CNTN4: variants seen among roughly 807,000 people sequenced by gnomAD.
CNTN4 encodes contactin 4.
In CNTN4, 77 loss-of-function variants were observed where a neutral mutation model predicts 122.5. The ratio of observed to expected loss-of-function variants is 0.63; its 90% CI spans 0.52 to 0.76. The LOEUF (loss-of-function observed/expected upper bound fraction) is 0.76. CNTN4 is among the 30% of genes least tolerant of loss of function. The probability of loss-of-function intolerance (pLI) is 0.00; values close to 1 mark genes in which losing one functional copy is unlikely to be tolerated. For synonymous variants in CNTN4, 512 were observed against 447.0 expected, an observed-to-expected ratio of 1.15 and a Z score of -1.83; for missense variants, 1,256 against 1,259.1, an observed-to-expected ratio of 1.00 and a Z score of 0.04.
intron 3 of CNTN4, among the ~76,000 whole-genome samples, chr3:2,557,529 C>A (rs2078768778): frequency 6.6e-6 from 1 of 152,078 alleles, no homozygotes; most frequent in South Asian, 2.1e-4. Context: ...AGATCGAGAC[C>A]ATCCTGGCTA....
intron 6 of CNTN4, among the ~76,000 whole-genome samples, chr3:2,750,943 G>A (rs1016565702): frequency 1.8e-4 from 28 of 152,154 alleles, no homozygotes; most frequent in African/African-American, 6.5e-4. Flanking sequence ...TGATACAGAA[G>A]ACAGTTGACA....
intron 6 of CNTN4, among the ~76,000 whole-genome samples, chr3:2,812,648 T>G (rs1287143286): frequency 6.6e-6 from 1 of 152,168 alleles, no homozygotes; most frequent in African/African-American, 2.4e-5. Context: ...GTTCTCCCAG[T>G]GAGTCACTTT....
chr3:2,250,996 CTAA>C (rs1386992732), intron 2 of CNTN4, among the ~76,000 whole-genome samples: 7 of 151,756 alleles, frequency 4.6e-5, no homozygotes, highest in African/African-American at 1.5e-4. Context: ...GCTGATAATG[CTAA>C]TATTATATTG....
intron 2 of CNTN4, among the ~76,000 whole-genome samples, chr3:2,311,401 A>G (rs1470672213): frequency 6.6e-6 from 1 of 152,148 alleles, no homozygotes; most frequent in East Asian, 1.9e-4. Flanking sequence ...AAAATATATC[A>G]AACAGAATCA....
In CNTN4 at chr3:2,285,083, C is replaced by T. The variant is rs1354377089; in HGVS notation, c.-144-54095C>T. The stretch of plus-strand genomic sequence containing the variant: ...TACAAATTTTAGAATGAGGACTGCT[C>T]AGTCTGCATAAAAATTATTTTCTTG... On this transcript the variant is annotated intron_variant, in intron 2 of 24. Coordinates refer to ENST00000418658, the MANE Select transcript of CNTN4 (RefSeq NM_175607.3). Among the ~76,000 whole-genome samples, 3 of 152,036 alleles carry T rather than the reference C, an allele frequency of 2.0e-5. No homozygotes were observed. The East Asian group carries it at 5.8e-4, about 29-fold the overall frequency.
intron 3 of CNTN4, among the ~76,000 whole-genome samples, chr3:2,549,729 G>A (rs144077424): frequency 0.021 from 3,189 of 152,218 alleles, 137 homozygotes; most frequent in African/African-American, 0.073. Context: ...GAGTTAGGGA[G>A]GAGTCCTTCT....
chr3:2,436,597 A>T (rs2048266213), intron 3 of CNTN4, among the ~76,000 whole-genome samples: 1 of 152,000 alleles, frequency 6.6e-6, no homozygotes, highest in South Asian at 2.1e-4. Context: ...GGGTGTTAGA[A>T]AGGAATCCTT....
chr3:2,806,087 A>G (rs150320522), intron 6 of CNTN4, among the ~76,000 whole-genome samples: 3 of 151,910 alleles, frequency 2.0e-5, no homozygotes, highest in African/African-American at 7.3e-5. Flanking sequence ...ATTTTCAGAG[A>G]GACGGGGGTC....
At chr3:2,120,382 T>TATATATAAATATATATATATATATAA (rs2033661998) in intron 2 of CNTN4, among the ~76,000 whole-genome samples, 1 of 27,324 alleles carries the variant, frequency 3.7e-5, no homozygotes, top group African/African-American at 1.0e-4. Flanking sequence ...TAAATATATA[T>TATATATAAATATATATATATATATAA]ATATATATAT....
chr3:2,591,770 C>T (rs1259293995), intron 4 of CNTN4, among the ~76,000 whole-genome samples: 3 of 152,178 alleles, frequency 2.0e-5, no homozygotes, highest in African/African-American at 7.2e-5. Flanking sequence ...CAACTTGTCT[C>T]TCATGTAAGG....
At chr3:2,814,348 A>G (rs1576899085) in intron 6 of CNTN4, among the ~76,000 whole-genome samples, 1 of 152,210 alleles carries the variant, frequency 6.6e-6, no homozygotes, top group Non-Finnish European at 1.5e-5. Flanking sequence ...TTGGTGACCA[A>G]TTGCTAAACG....
intron 4 of CNTN4, among the ~76,000 whole-genome samples, chr3:2,590,245 A>G (rs2080403826): frequency 6.6e-6 from 1 of 151,714 alleles, no homozygotes; most frequent in Admixed American, 6.6e-5. Context: ...CTATCATATC[A>G]CCTTTCTTCT....
chr3:2,400,422 T>TAC (rs1553640900), intron 3 of CNTN4, among the ~76,000 whole-genome samples: 1 of 59,354 alleles, frequency 1.7e-5, no homozygotes, highest in Non-Finnish European at 3.7e-5. Context: ...TATATATATA[T>TAC]ATATACATAT....
intron 3 of CNTN4, among the ~76,000 whole-genome samples, chr3:2,344,966 G>A (rs776314722): frequency 5.3e-5 from 8 of 152,296 alleles, no homozygotes; most frequent in African/African-American, 9.6e-5. Flanking sequence ...ATCAGCCCCC[G>A]AGGGACTTTT....
intron 2 of CNTN4, among the ~76,000 whole-genome samples, chr3:2,204,439 G>T (rs1376401752): frequency 1.3e-5 from 2 of 152,120 alleles, no homozygotes; most frequent in African/African-American, 4.8e-5. Flanking sequence ...TCTTTCTGCA[G>T]TTGTAGGAAT....
At chr3:2,801,934 A>G (rs2092357797) in intron 6 of CNTN4, among the ~76,000 whole-genome samples, 1 of 152,198 alleles carries the variant, frequency 6.6e-6, no homozygotes, top group South Asian at 2.1e-4. Context: ...CAAATGAGTT[A>G]TTAGTAAAAA....
At chr3:2,721,229 C>T (rs957978072) in intron 4 of CNTN4, among the ~76,000 whole-genome samples, 10 of 152,260 alleles carry the variant, frequency 6.6e-5, no homozygotes, top group African/African-American at 2.4e-4. Context: ...ACCTCAGCCT[C>T]CCCAAATGCT....
chr3:2,998,010 A>G (rs992422188), intron 14 of CNTN4, among the ~76,000 whole-genome samples: 2 of 152,156 alleles, frequency 1.3e-5, no homozygotes, highest in Non-Finnish European at 2.9e-5. Context: ...TAAAGCTTGG[A>G]TTCTACCTAG....
chr3:2,777,876 T>C (rs2091391726), intron 6 of CNTN4, among the ~76,000 whole-genome samples: 1 of 152,280 alleles, frequency 6.6e-6, no homozygotes, highest in East Asian at 1.9e-4. Context: ...CTTTGTATTA[T>C]AATCCAATAG....
Sources: gnomAD v4.1 joint callset for allele counts (sites outside exome capture counted in the v4.1 genomes callset) on GRCh38, gnomAD v4.1.1 for gene constraint, MANE v1.5 for transcripts, NCBI Gene and HGNC (gene_info 2026-07-23, HGNC 2026-07-21) for gene names.